DPYD: variants seen among roughly 807,000 people sequenced by gnomAD.
DPYD encodes the protein dihydropyrimidine dehydrogenase [NADP(+)].
In DPYD, 109 loss-of-function variants were observed where a neutral mutation model predicts 116.2. That is an observed-to-expected ratio of 0.94 (90% CI 0.80 to 1.10). DPYD has a LOEUF of 1.10. Among genes scored for constraint, DPYD ranks in the 50% least tolerant of loss-of-function variants. DPYD has a pLI of 0.00. For missense variants in DPYD, 1,302 were observed against 1,254.5 expected (o/e 1.04, Z -0.57); for synonymous variants, 440 against 432.0 (o/e 1.02, Z -0.23).
At chr1:97,409,399 T>C (rs1025367140) in intron 14 of DPYD, among the ~76,000 whole-genome samples, 10 of 152,184 alleles carry the variant, frequency 6.6e-5, no homozygotes, top group African/African-American at 2.2e-4. Context: ...GGGCTATGTC[T>C]TCTATCTCAT....
chr1:97,532,342 C>G (rs770316758), intron 12 of DPYD, among the ~76,000 whole-genome samples: 1 of 151,988 alleles, frequency 6.6e-6, no homozygotes, highest in African/African-American at 2.4e-5. Flanking sequence ...CTGTCATTTT[C>G]TTTGTTTGTG....
intron 18 of DPYD, among the ~76,000 whole-genome samples, chr1:97,242,065 C>G (rs888888538): frequency 2.9e-5 from 4 of 139,004 alleles, no homozygotes; most frequent in African/African-American, 7.9e-5. Context: ...ATGTGTGTAT[C>G]TGTGTGAATA....
intron 3 of DPYD, among the ~76,000 whole-genome samples, chr1:97,824,465 A>G (rs931058399): frequency 6.6e-6 from 1 of 152,234 alleles, no homozygotes; most frequent in Non-Finnish European, 1.5e-5. Context: ...ATAAGTATTT[A>G]AATTTAAATT....
chr1:97,871,795 T>C lies in DPYD; in HGVS notation c.150+11469A>G, dbSNP rs143764679. Among the ~76,000 whole-genome samples the C allele has an allele frequency of 3.5e-3, 531 of 151,914 alleles. 2 individuals are homozygous for C. The highest frequency in any genetic ancestry group is 0.012 in the African/African-American group (496 of 41,508). Reference sequence around the variant, plus strand: ...GCTGCTCAGTACTTCTCCATGGTTTTTCCATATACATTGTTCTCTATCCAC... The same window carrying C: ...GCTGCTCAGTACTTCTCCATGGTTTCTCCATATACATTGTTCTCTATCCAC... On this transcript the variant is annotated intron_variant, in intron 2 of 22. Coordinates refer to ENST00000370192, the MANE Select transcript of DPYD (RefSeq NM_000110.4).
intron 1 of DPYD, among the ~76,000 whole-genome samples, chr1:97,909,452 C>T (rs535263250): frequency 9.2e-5 from 14 of 152,154 alleles, no homozygotes; most frequent in African/African-American, 2.9e-4. Flanking sequence ...TTTTCTGTTC[C>T]CCTTTACAGG....
At chr1:97,350,486 C>T (rs1285482634) in intron 16 of DPYD, among the ~76,000 whole-genome samples, 2 of 152,058 alleles carry the variant, frequency 1.3e-5, no homozygotes, top group African/African-American at 4.8e-5. Flanking sequence ...CTTTTGTAGG[C>T]AGCCATCCCA....
chr1:97,256,586 T>C (rs1265078936), intron 18 of DPYD, among the ~76,000 whole-genome samples: 1 of 152,130 alleles, frequency 6.6e-6, no homozygotes, highest in Non-Finnish European at 1.5e-5. Flanking sequence ...CCTTCCACCA[T>C]GATTGTGAGG....
intron 16 of DPYD, among the ~76,000 whole-genome samples, chr1:97,372,761 G>A (rs1318901741): frequency 1.3e-5 from 2 of 151,812 alleles, no homozygotes; most frequent in Non-Finnish European, 2.9e-5. Flanking sequence ...AAAAAGGTGG[G>A]GACCTACTAA....
intron 21 of DPYD, among the ~76,000 whole-genome samples, chr1:97,094,622 T>A (rs1650111875): frequency 6.6e-6 from 1 of 152,018 alleles, no homozygotes; most frequent in South Asian, 2.1e-4. Context: ...TGGGAATCAG[T>A]TTAGTTCTAA....
chr1:97,476,258 C>A (rs917450656), intron 13 of DPYD, among the ~76,000 whole-genome samples: 3 of 152,174 alleles, frequency 2.0e-5, no homozygotes, highest in African/African-American at 7.2e-5. Flanking sequence ...TGCTACATTT[C>A]TGGGTTGGAC....
intron 3 of DPYD, among the ~76,000 whole-genome samples, chr1:97,823,535 T>C (rs575454953): frequency 1.3e-5 from 2 of 152,230 alleles, no homozygotes; most frequent in Non-Finnish European, 2.9e-5. Context: ...TATTCTACTC[T>C]CTACTTCTAT....
At chr1:97,546,476 G>C in intron 12 of DPYD, 1 of 1,603,900 alleles carries the variant, frequency 6.2e-7, no homozygotes. Flanking sequence ...GACTCTGATA[G>C]AGAGCAAGAT....
intron 19 of DPYD, among the ~76,000 whole-genome samples, chr1:97,233,135 C>T (rs977443759): frequency 6.6e-6 from 1 of 152,134 alleles, no homozygotes; most frequent in African/African-American, 2.4e-5. Flanking sequence ...CTTGGACACC[C>T]GAGGGGCATG....
intron 18 of DPYD, among the ~76,000 whole-genome samples, chr1:97,267,335 A>G (rs1341232970): frequency 2.6e-5 from 4 of 152,132 alleles, no homozygotes; most frequent in Non-Finnish European, 5.9e-5. Context: ...TCTTCTTTTG[A>G]GAAGTGCCTG....
intron 14 of DPYD, among the ~76,000 whole-genome samples, chr1:97,393,267 T>C (rs1473656094): frequency 6.6e-6 from 1 of 151,786 alleles, no homozygotes; most frequent in Admixed American, 6.6e-5. Flanking sequence ...GAGGCCATTG[T>C]TGAGTTGTTA....
chr1:97,096,654 G>C (rs1650268691), intron 21 of DPYD, among the ~76,000 whole-genome samples: 3 of 152,140 alleles, frequency 2.0e-5, no homozygotes, highest in African/African-American at 4.8e-5. Context: ...GCACAAATCA[G>C]TGCTCTGTAA....
intron 19 of DPYD, among the ~76,000 whole-genome samples, chr1:97,232,912 C>A (rs991703987): frequency 4.6e-5 from 7 of 152,114 alleles, no homozygotes; most frequent in Non-Finnish European, 8.8e-5. Context: ...TCTATCAATT[C>A]TTTTTTATGA....
At chr1:97,730,470 C>T (rs1663526707) in intron 4 of DPYD, among the ~76,000 whole-genome samples, 2 of 152,030 alleles carry the variant, frequency 1.3e-5, no homozygotes, top group African/African-American at 2.4e-5. Flanking sequence ...GTAATCCAGC[C>T]GCCTCGGCCT....
intron 20 of DPYD, among the ~76,000 whole-genome samples, chr1:97,158,653 G>C (rs759260256): frequency 1.3e-5 from 2 of 151,900 alleles, no homozygotes; most frequent in African/African-American, 2.4e-5. Flanking sequence ...CAAGCAGGGA[G>C]GTTAAAATTC....
Sources: gnomAD v4.1 joint callset for allele counts (sites outside exome capture counted in the v4.1 genomes callset) on GRCh38, gnomAD v4.1.1 for gene constraint, MANE v1.5 for transcripts, NCBI Gene and HGNC (gene_info 2026-07-23, HGNC 2026-07-21) for gene names.